AOPEP: variants seen among roughly 807,000 people sequenced by gnomAD.
AOPEP encodes the protein aminopeptidase O.
A neutral mutation model predicts 98.1 loss-of-function variants in AOPEP; 77 were observed. The ratio of observed to expected loss-of-function variants is 0.78; its 90% CI spans 0.65 to 0.95. The LOEUF is 0.95. Among genes scored for constraint, AOPEP ranks in the 40% least tolerant of loss-of-function variants. The pLI is 0.00. For synonymous variants in AOPEP, 346 were observed against 365.3 expected (o/e 0.95, Z 0.60); for missense variants, 1,024 against 1,024.7 (o/e 1.00, Z 0.01).
At chr9:95,003,911 T>G (rs951794257) in intron 11 of AOPEP, 9 of 169,494 alleles carry the variant, frequency 5.3e-5, no homozygotes, top group African/African-American at 2.1e-4. Flanking sequence ...ACATCATCCG[T>G]GTAATTTTAA....
intron 13 of AOPEP, among the ~76,000 whole-genome samples, chr9:95,030,397 A>G (rs774240787): frequency 6.6e-6 from 1 of 152,206 alleles, no homozygotes; most frequent in Non-Finnish European, 1.5e-5. Flanking sequence ...TGTTATGTAC[A>G]TTTCATAAAA....
At chr9:94,853,488 C>T (rs1462818473) in intron 5 of AOPEP, among the ~76,000 whole-genome samples, 1 of 152,092 alleles carries the variant, frequency 6.6e-6, no homozygotes, top group African/African-American at 2.4e-5. Context: ...AACAAGCAGT[C>T]CATTCAGTCT....
chr9:94,825,615 A>C (rs1664655244), intron 5 of AOPEP, among the ~76,000 whole-genome samples: 1 of 152,222 alleles, frequency 6.6e-6, no homozygotes, highest in African/African-American at 2.4e-5. Context: ...TGGAACATGC[A>C]GTGTTCTTTT....
intron 13 of AOPEP, among the ~76,000 whole-genome samples, chr9:95,049,710 C>T (rs1390565476): frequency 1.3e-5 from 2 of 152,126 alleles, no homozygotes; most frequent in African/African-American, 4.8e-5. Context: ...TTTTTCTAAA[C>T]AAATTTCCTG....
intron 1 of AOPEP, among the ~76,000 whole-genome samples, chr9:94,729,010 C>T (rs1287792703): frequency 6.6e-6 from 1 of 152,110 alleles, no homozygotes; most frequent in African/African-American, 2.4e-5. Context: ...GATGGGGAGA[C>T]TAGAGAGAAA....
chr9:94,808,188 C>T (rs1033077444), intron 5 of AOPEP, among the ~76,000 whole-genome samples: 6 of 152,030 alleles, frequency 3.9e-5, no homozygotes, highest in Non-Finnish European at 5.9e-5. Context: ...TACAGGTGCA[C>T]GCTGCTTCGC....
At chr9:94,782,423 A>C (rs1010078611) in intron 3 of AOPEP, among the ~76,000 whole-genome samples, 2 of 151,952 alleles carry the variant, frequency 1.3e-5, no homozygotes, top group African/African-American at 4.8e-5. Context: ...GCAAAATGCT[A>C]CTCTCTGGCC....
At chr9:95,036,713 G>A (rs116162549) in intron 13 of AOPEP, among the ~76,000 whole-genome samples, 1 of 38,232 alleles carries the variant, frequency 2.6e-5, no homozygotes, top group East Asian at 7.0e-4. Context: ...TTTTTTTTTT[G>A]TGGGGAATAA....
chr9:95,051,887 T>C (rs2066403976), intron 13 of AOPEP, among the ~76,000 whole-genome samples: 1 of 152,072 alleles, frequency 6.6e-6, no homozygotes, highest in South Asian at 2.1e-4. Context: ...GTATTTTTAG[T>C]AGAGACAGGG....
At chr9:95,072,435 A>C (rs1460552326) in intron 14 of AOPEP, among the ~76,000 whole-genome samples, 5 of 152,112 alleles carry the variant, frequency 3.3e-5, no homozygotes, top group African/African-American at 1.2e-4. Flanking sequence ...AGGCGGGATC[A>C]CTTGAGCCCA....
chr9:95,107,465 T>A, the AOPEP span: 1 of 648,008 alleles, frequency 1.5e-6, no homozygotes, highest in South Asian at 1.8e-5. Context: ...TTCTTGACTT[T>A]CTTTCGTCTT....
intron 4 of AOPEP, among the ~76,000 whole-genome samples, chr9:94,799,581 G>T (rs1847773080): frequency 6.6e-6 from 1 of 152,062 alleles, no homozygotes; most frequent in Admixed American, 6.6e-5. Context: ...AATAATAATA[G>T]GCCGGTTGCG....
chr9:94,931,862 C>A (rs1380556106), intron 7 of AOPEP: 32 of 1,399,824 alleles, frequency 2.3e-5, no homozygotes, highest in Non-Finnish European at 3.0e-5. Flanking sequence ...TCCTTGAGTT[C>A]CCTCTGCCTC....
At chr9:95,009,178 C>A (rs2062283614) in intron 13 of AOPEP, among the ~76,000 whole-genome samples, 1 of 151,974 alleles carries the variant, frequency 6.6e-6, no homozygotes, top group Admixed American at 6.6e-5. Context: ...CACTAAATGG[C>A]TATTGGTTTT....
At position 95,066,786 on chromosome 9, in the gene AOPEP, C is replaced by T. The variant is rs538970311; in HGVS notation, c.2232+5976C>T. On this transcript the variant is annotated intron_variant, in intron 14 of 16. Coordinates refer to ENST00000375315, the MANE Select transcript of AOPEP (RefSeq NM_001193329.3). ...TAGCAGTGCCCTGATGCTCTTCTTC[C>T]GGTATAGCCAGGAAACCAGCAGCAT... 1.5e-3 allele frequency among the ~76,000 whole-genome samples: 229 copies of T among 152,248 alleles called. 2 individuals are homozygous for T. The highest frequency in any genetic ancestry group is 5.2e-3 in the African/African-American group (218 of 41,550).
chr9:94,791,292 G>A (rs1454145822), intron 3 of AOPEP, among the ~76,000 whole-genome samples: 2 of 152,094 alleles, frequency 1.3e-5, no homozygotes, highest in Non-Finnish European at 2.9e-5. Context: ...TGAACACTGA[G>A]TACACATGGA....
At position 94,739,082 on chromosome 9, in the gene AOPEP, A is replaced by G. The variant is rs181584900; in HGVS notation, c.-136+12331A>G. On this transcript the variant is annotated intron_variant, in intron 1 of 16. Coordinates refer to ENST00000375315, the MANE Select transcript of AOPEP (RefSeq NM_001193329.3). ...CAAAACTACGTCTCAAGTCCATGTC[A>G]GGTTCTAACTGCTCTCCTCCTGAAG... is the stretch of plus-strand genomic sequence containing the variant. Among the ~76,000 whole-genome samples the G allele has an allele frequency of 8.3e-4, 127 of 152,274 alleles. 2 individuals carry two copies. The highest frequency in any genetic ancestry group is 2.9e-3 in the African/African-American group (122 of 41,550).
intron 11 of AOPEP, among the ~76,000 whole-genome samples, chr9:94,986,040 G>T (rs1384458190): frequency 1.3e-5 from 2 of 152,094 alleles, no homozygotes; most frequent in African/African-American, 4.8e-5. Context: ...AGTTTGCTGG[G>T]GTTGCCATAA....
At chr9:94,760,801 AAGC>A (rs373613062) in intron 2 of AOPEP, 1 of 397,720 alleles carries the variant, frequency 2.5e-6, no homozygotes, top group African/African-American at 2.1e-5. Flanking sequence ...AAAGATTATT[AAGC>A]CCTCCCTATT....
Sources: gnomAD v4.1 joint callset for allele counts (sites outside exome capture counted in the v4.1 genomes callset) on GRCh38, gnomAD v4.1.1 for gene constraint, MANE v1.5 for transcripts, NCBI Gene and HGNC (gene_info 2026-07-23, HGNC 2026-07-21) for gene names.